The following ULK4 variants were observed in gnomAD, a reference collection of about 807,000 sequenced individuals.
ULK4 encodes the protein inactive serine/threonine-protein kinase ULK4.
Under a neutral mutation model 160.6 loss-of-function variants are expected in ULK4, and 133 were observed. That is an observed-to-expected ratio of 0.83 (90% CI 0.72 to 0.96). The LOEUF is 0.96. Ranked by LOEUF, ULK4 falls within the 40% of genes least tolerant of loss-of-function variation. The probability of loss-of-function intolerance (pLI) is 0.00; values close to 1 mark genes in which losing one functional copy is unlikely to be tolerated. For missense variants in ULK4, 1,580 were observed against 1,499.5 expected, an observed-to-expected ratio of 1.05 and a Z score of -0.89; for synonymous variants, 534 against 539.8, an observed-to-expected ratio of 0.99 and a Z score of 0.15.
At chr3:41,486,056 G>T (rs1314148571) in intron 32 of ULK4, among the ~76,000 whole-genome samples, 1 of 152,064 alleles carries the variant, frequency 6.6e-6, no homozygotes, top group East Asian at 1.9e-4. Context: ...ACTCTTCTGG[G>T]TTTCCTCCCT....
chr3:41,349,760 G>A (rs896817977), intron 35 of ULK4, among the ~76,000 whole-genome samples: 32 of 152,018 alleles, frequency 2.1e-4, no homozygotes, highest in African/African-American at 7.0e-4. Flanking sequence ...ACACACATAC[G>A]GCATGTAAGT....
At position 41,306,539 on chromosome 3, in the gene ULK4, T is replaced by C. The variant is rs868733667; in HGVS notation, c.3679-56965A>G. On this transcript the variant is annotated intron_variant, in intron 35 of 36. Transcript: ENST00000301831. ...GAGGGAGGTGGGGGGGTCAGCCCCCTGCCCGGCCAGCCACCCCGTCCGGGA... is the reference window on the plus strand; with the variant it reads ...GAGGGAGGTGGGGGGGTCAGCCCCCCGCCCGGCCAGCCACCCCGTCCGGGA... 3.2e-4 allele frequency among the ~76,000 whole-genome samples: 43 copies of C among 135,606 alleles called. No individual in the cohort carries two copies. The South Asian group carries it at 5.2e-3, about 17-fold the overall frequency. 89.0% of individuals were successfully genotyped at this position (135,606 alleles called of 152,430 possible). A position where few individuals can be genotyped will look rare whatever the true frequency, so the allele number is the denominator to read the frequency against.
intron 17 of ULK4, among the ~76,000 whole-genome samples, chr3:41,867,111 A>G (rs539329764): frequency 1.1e-4 from 17 of 152,094 alleles, no homozygotes; most frequent in African/African-American, 3.9e-4. Flanking sequence ...TTTTTTATCT[A>G]TTGTTACTTA....
At chr3:41,921,456 A>G (rs534196921) in intron 5 of ULK4, among the ~76,000 whole-genome samples, 3 of 152,126 alleles carry the variant, frequency 2.0e-5, no homozygotes, top group African/African-American at 7.2e-5. Flanking sequence ...ATAAAAAAAA[A>G]TACAAAAAAT....
intron 22 of ULK4, among the ~76,000 whole-genome samples, chr3:41,719,922 C>T (rs888160094): frequency 6.6e-6 from 1 of 152,170 alleles, no homozygotes; most frequent in Non-Finnish European, 1.5e-5. Context: ...TCCTGTCACA[C>T]TGGGTTCTCT....
At chr3:41,748,147 T>C (rs1259300104) in intron 22 of ULK4, among the ~76,000 whole-genome samples, 1 of 92,992 alleles carries the variant, frequency 1.1e-5, no homozygotes, top group Admixed American at 9.7e-5. Context: ...ATAGAGACTA[T>C]ATATATATAT....
intron 2 of ULK4, among the ~76,000 whole-genome samples, chr3:41,954,086 GAGA>G (rs1431607019): frequency 2.7e-5 from 4 of 150,844 alleles, no homozygotes; most frequent in Admixed American, 6.7e-5. Flanking sequence ...GCTGAAGCAG[GAGA>G]ATGGCGTGAA....
intron 32 of ULK4, among the ~76,000 whole-genome samples, chr3:41,560,186 T>C (rs1304100172): frequency 6.6e-6 from 1 of 152,198 alleles, no homozygotes; most frequent in Non-Finnish European, 1.5e-5. Context: ...TGAGTGGTGT[T>C]ATTTCTGAGG....
intron 31 of ULK4, among the ~76,000 whole-genome samples, chr3:41,592,222 C>T (rs1433332374): frequency 1.3e-5 from 2 of 151,972 alleles, no homozygotes; most frequent in Non-Finnish European, 2.9e-5. Flanking sequence ...ACAGAAGATT[C>T]TGACTTTTAC....
At chr3:41,898,150 G>A (rs964481488) in intron 14 of ULK4, among the ~76,000 whole-genome samples, 7 of 152,120 alleles carry the variant, frequency 4.6e-5, no homozygotes, top group Non-Finnish European at 8.8e-5. Context: ...GAAGGGAGGA[G>A]AAGACCTCCC....
chr3:41,618,065 G>C lies in ULK4; in HGVS notation c.3072-2348C>G, dbSNP rs560484179. 7.2e-5 allele frequency among the ~76,000 whole-genome samples: 11 copies of C among 152,178 alleles called. 1 individual carries two copies. The South Asian group carries it at 2.1e-3, about 29-fold the overall frequency. On this transcript the variant is annotated intron_variant, in intron 30 of 36. Transcript: ENST00000301831. ...TTACTGAAATAAGGCATGAAGAAAA[G>C]ATTAGAGAAAAAAGAAGGAAAAGGA... is the stretch of plus-strand genomic sequence containing the variant.
chr3:41,702,855 G>GTTTTTTT (rs778490796), intron 27 of ULK4, among the ~76,000 whole-genome samples: 1 of 146,252 alleles, frequency 6.8e-6, no homozygotes, highest in African/African-American at 2.7e-5. Context: ...TTTTTTTTTG[G>GTTTTTTT]TTTTGTTTTT....
intron 30 of ULK4, among the ~76,000 whole-genome samples, chr3:41,645,360 T>G (rs2034435011): frequency 6.6e-6 from 1 of 152,158 alleles, no homozygotes; most frequent in Non-Finnish European, 1.5e-5. Flanking sequence ...ACACACTGCT[T>G]TGAATGTGTC....
At chr3:41,741,315 G>T (rs1000563135) in intron 22 of ULK4, among the ~76,000 whole-genome samples, 2 of 151,790 alleles carry the variant, frequency 1.3e-5, no homozygotes, top group African/African-American at 4.9e-5. Flanking sequence ...CATGCAAATA[G>T]AAGTTTTGCC....
At chr3:41,248,338 A>G (rs2078682982) in intron 36 of ULK4, among the ~76,000 whole-genome samples, 1 of 152,194 alleles carries the variant, frequency 6.6e-6, no homozygotes, top group South Asian at 2.1e-4. Context: ...CCAGGGAGTC[A>G]CTGTTCACAC....
At chr3:41,476,079 G>C (rs913584140) in intron 32 of ULK4, among the ~76,000 whole-genome samples, 1 of 148,856 alleles carries the variant, frequency 6.7e-6, no homozygotes, top group Non-Finnish European at 1.5e-5. Context: ...GGGAAAGGAG[G>C]AGGGAGGGAG....
chr3:41,931,511 A>C (rs1453713691), intron 5 of ULK4, among the ~76,000 whole-genome samples: 2 of 151,836 alleles, frequency 1.3e-5, no homozygotes, highest in African/African-American at 4.8e-5. Context: ...TTTCAACTGC[A>C]GAATATCATT....
chr3:41,328,293 A>G (rs2080374487), intron 35 of ULK4, among the ~76,000 whole-genome samples: 2 of 152,198 alleles, frequency 1.3e-5, no homozygotes, highest in African/African-American at 4.8e-5. Context: ...CATCAATAGA[A>G]AAACCATGTT....
chr3:41,741,819 A>G (rs1259667120), intron 22 of ULK4, among the ~76,000 whole-genome samples: 2 of 151,756 alleles, frequency 1.3e-5, no homozygotes, highest in African/African-American at 4.9e-5. Flanking sequence ...ACACAGGAAG[A>G]CTCTGAAAGG....
Sources: allele counts gnomAD v4.1 joint callset (sites outside exome capture counted in the v4.1 genomes callset), GRCh38; gene constraint gnomAD v4.1.1; transcripts MANE v1.5; gene names NCBI Gene and HGNC (gene_info 2026-07-23, HGNC 2026-07-21).